The following DIP2C variants were observed in gnomAD, a reference collection of about 807,000 sequenced individuals.
DIP2C encodes disco-interacting protein 2 homolog C.
A neutral mutation model predicts 192.4 loss-of-function variants in DIP2C; 33 were observed. That is an observed-to-expected ratio of 0.17 (90% CI 0.13 to 0.23). The LOEUF is 0.23. Ranked by LOEUF, DIP2C falls within the 10% of genes least tolerant of loss-of-function variation. The probability of loss-of-function intolerance (pLI) is 1.00; values close to 1 mark genes in which losing one functional copy is unlikely to be tolerated. For synonymous variants in DIP2C, 979 were observed against 864.1 expected, an observed-to-expected ratio of 1.13 and a Z score of -2.33; for missense variants, 1,537 against 2,110.1, an observed-to-expected ratio of 0.73 and a Z score of 5.32.
At chr10:448,775 G>T (rs1228424121) in intron 3 of DIP2C, among the ~76,000 whole-genome samples, 1 of 131,634 alleles carries the variant, frequency 7.6e-6, no homozygotes, top group Non-Finnish European at 1.6e-5. Context: ...CACCCCTGTC[G>T]ATACTCAGGA....
intron 14 of DIP2C, among the ~76,000 whole-genome samples, chr10:386,067 CAG>C (rs1962873970): frequency 6.6e-6 from 1 of 152,202 alleles, no homozygotes; most frequent in Admixed American, 6.5e-5. Context: ...GGGAGCTCCT[CAG>C]AGAGGCGGCC....
At chr10:612,108 A>AAC (rs1474197119) in intron 1 of DIP2C, among the ~76,000 whole-genome samples, 1 of 152,176 alleles carries the variant, frequency 6.6e-6, no homozygotes, top group Non-Finnish European at 1.5e-5. Context: ...CAGCCTGGCC[A>AAC]ACATGTTGAA....
intron 1 of DIP2C, among the ~76,000 whole-genome samples, chr10:500,213 T>C (rs1396950569): frequency 6.6e-6 from 1 of 152,256 alleles, no homozygotes; most frequent in African/African-American, 2.4e-5. Context: ...CATCAGCGTC[T>C]GGGGCAAAGG....
chr10:277,240 T>G lies in DIP2C; in HGVS notation c.*85A>C. ...CCACAAATGGCTGTATTCTGGTGAGTGTTGCCCTGTGTCTGCACGCTTCAG... is the reference window on the plus strand; with the variant it reads ...CCACAAATGGCTGTATTCTGGTGAGGGTTGCCCTGTGTCTGCACGCTTCAG... On this transcript the variant is annotated 3_prime_UTR_variant, in exon 37 of 37. Transcript: ENST00000280886. The G allele has an allele frequency of 6.4e-7, 1 of 1,556,324 alleles. No homozygotes were observed. Among genetic ancestry groups the G allele is most frequent in the Non-Finnish European group, 8.7e-7 (1 of 1,152,708 alleles).
At chr10:326,524 A>C (rs1957278640) in intron 31 of DIP2C, among the ~76,000 whole-genome samples, 1 of 152,236 alleles carries the variant, frequency 6.6e-6, no homozygotes, top group African/African-American at 2.4e-5. Flanking sequence ...TGTTAATGCA[A>C]GGCTGTCTTG....
At chr10:521,384 CAAT>C (rs947364082) in intron 1 of DIP2C, among the ~76,000 whole-genome samples, 11 of 152,194 alleles carry the variant, frequency 7.2e-5, no homozygotes, top group East Asian at 5.8e-4. Context: ...GAGAAGGCCT[CAAT>C]GATAAGGAAA....
chr10:507,871 GCCA>G (rs1845732410), intron 1 of DIP2C, among the ~76,000 whole-genome samples: 2 of 152,152 alleles, frequency 1.3e-5, no homozygotes, highest in African/African-American at 2.4e-5. Context: ...TTCACCTGAG[GCCA>G]CCAAGTTTAA....
chr10:525,241 G>A (rs940352781), intron 1 of DIP2C, among the ~76,000 whole-genome samples: 21 of 151,772 alleles, frequency 1.4e-4, no homozygotes, highest in East Asian at 1.9e-4. Flanking sequence ...AGCTCCTAAC[G>A]CCTCAAACCG....
chr10:546,965 A>C (rs867536482), intron 1 of DIP2C, among the ~76,000 whole-genome samples: 25 of 152,362 alleles, frequency 1.6e-4, no homozygotes, highest in South Asian at 2.1e-4. Context: ...ACACCTGCAA[A>C]TACCTATCTC....
intron 36 of DIP2C, among the ~76,000 whole-genome samples, chr10:280,225 G>A (rs945618836): frequency 2.0e-5 from 3 of 152,256 alleles, no homozygotes; most frequent in African/African-American, 7.2e-5. Flanking sequence ...TTCAGCAAAT[G>A]GCAGTAAGTA....
chr10:326,092 G>T (rs1290113516), intron 31 of DIP2C, among the ~76,000 whole-genome samples: 3 of 152,092 alleles, frequency 2.0e-5, no homozygotes, highest in Non-Finnish European at 4.4e-5. Context: ...GAGGTGGGAG[G>T]GTTGCTTGAG....
chr10:594,353 G>A (rs947484993), intron 1 of DIP2C, among the ~76,000 whole-genome samples: 3 of 152,024 alleles, frequency 2.0e-5, no homozygotes, highest in South Asian at 2.1e-4. Flanking sequence ...TGGCACGGCC[G>A]AGTACAAACC....
At position 508,738 on chromosome 10, in the gene DIP2C, C is replaced by A. The variant is rs191368013; in HGVS notation, c.86-22208G>T. ...TTGCTTGCTGCCACCCTAACCGCAG[C>A]GTCCAGAAGAAGCCACTTAAAGGCA... On this transcript the variant is annotated intron_variant, in intron 1 of 36. Transcript: ENST00000280886. 2.4e-3 allele frequency among the ~76,000 whole-genome samples: 363 copies of A among 151,428 alleles called. 1 individual carries two copies. Among genetic ancestry groups the A allele is most frequent in the Middle Eastern group, 0.014 (4 of 294 alleles).
chr10:689,010 G>A lies in DIP2C; in HGVS notation c.85+484C>T, dbSNP rs1357643118. On this transcript the variant is annotated intron_variant, in intron 1 of 36. Coordinates refer to ENST00000280886, the MANE Select transcript of DIP2C (RefSeq NM_014974.3). The surrounding 1 kb of genome is among the most constrained non-coding windows in gnomAD (Gnocchi z 6.1). ...TGGCCGGGCGTTCCAGGCCGAACCCGCCAGCGAGGAGGTGGCGCGCACCGC... is the reference window on the plus strand; with the variant it reads ...TGGCCGGGCGTTCCAGGCCGAACCCACCAGCGAGGAGGTGGCGCGCACCGC... Among the ~76,000 whole-genome samples the A allele has an allele frequency of 2.6e-5, 4 of 152,170 alleles. No individual in the cohort carries two copies. Among genetic ancestry groups the A allele is most frequent in the Non-Finnish European group, 5.9e-5 (4 of 68,020 alleles).
chr10:489,138 G>T (rs1844239924), intron 1 of DIP2C, among the ~76,000 whole-genome samples: 1 of 152,158 alleles, frequency 6.6e-6, no homozygotes, highest in Non-Finnish European at 1.5e-5. Context: ...GGCTCACTCA[G>T]GCCCCAAAGC....
intron 1 of DIP2C, among the ~76,000 whole-genome samples, chr10:670,298 A>C (rs111369985): frequency 1.3e-5 from 2 of 152,140 alleles, no homozygotes; most frequent in East Asian, 1.9e-4. Flanking sequence ...ACATGCACAC[A>C]CATACGCACA....
intron 31 of DIP2C, among the ~76,000 whole-genome samples, chr10:321,455 T>C (rs1957006029): frequency 6.6e-6 from 1 of 152,218 alleles, no homozygotes; most frequent in Non-Finnish European, 1.5e-5. Flanking sequence ...GTTTGCTCCC[T>C]ATCTCCTGGA....
intron 1 of DIP2C, among the ~76,000 whole-genome samples, chr10:546,604 G>GCA (rs1208854653): frequency 2.0e-5 from 3 of 152,232 alleles, no homozygotes. Context: ...GTCACAAGCG[G>GCA]CACTTCCATG....
intron 1 of DIP2C, among the ~76,000 whole-genome samples, chr10:505,273 C>T (rs1001464357): frequency 6.6e-6 from 1 of 152,180 alleles, no homozygotes; most frequent in African/African-American, 2.4e-5. Flanking sequence ...AGTCCCTCTA[C>T]AAGGATATAC....
Sources: allele counts gnomAD v4.1 joint callset (sites outside exome capture counted in the v4.1 genomes callset), GRCh38; gene constraint gnomAD v4.1.1; non-coding constraint Gnocchi (gnomAD v3.1); transcripts MANE v1.5; gene names NCBI Gene and HGNC (gene_info 2026-07-23, HGNC 2026-07-21).